Variants in ARHGAP36 observed in about 807,000 individuals in gnomAD.
The protein encoded by ARHGAP36 is rho GTPase-activating protein 36.
In ARHGAP36, 7 loss-of-function variants were observed where a neutral mutation model predicts 32.9. The observed-to-expected ratio is 0.21, with a 90% confidence interval of 0.12 to 0.40. The LOEUF is 0.40. Among genes scored for constraint, ARHGAP36 ranks in the 10% least tolerant of loss-of-function variants. The pLI is 1.00. For synonymous variants in ARHGAP36, 165 were observed against 168.3 expected (o/e 0.98, Z 0.15); for missense variants, 383 against 442.2 (o/e 0.87, Z 1.20).
chrX:131,067,369 G>A (rs771158647), intron 1 of ARHGAP36, among the ~76,000 whole-genome samples: 1 of 113,512 alleles, frequency 8.8e-6, no homozygotes, highest in Admixed American at 9.2e-5. Flanking sequence ...CGCGCCCTAG[G>A]CGCCCTACCT....
At chrX:131,065,041 TTGTG>T (rs35681413) in intron 1 of ARHGAP36, among the ~76,000 whole-genome samples, 8,356 of 102,964 alleles carry the variant, frequency 0.081, 478 homozygotes, top group African/African-American at 0.2. Context: ...GTGTGTGTGT[TTGTG>T]TGTGTGTGTG....
At chrX:131,081,954 C>G (rs1168876654) in intron 2 of ARHGAP36, 36 bp downstream of exon 2, 9 of 1,200,592 alleles carry the variant, frequency 7.5e-6, no homozygotes, top group Non-Finnish European at 7.9e-6. Context: ...TCCTCGCCTT[C>G]GGGAGAGTGG....
chrX:131,086,738 G>T (rs2079837685), intron 11 of ARHGAP36, 73 bp downstream of exon 11: 1 of 952,570 alleles, frequency 1.0e-6, no homozygotes. Context: ...CTTTTTGAAG[G>T]CCAGGTCGTT....
At position 131,081,504 on chromosome X, in the gene ARHGAP36, A is replaced by AT. The variant is rs1194567930; in HGVS notation, c.-142-10dup. ...TTAAGGGCTGAATTTTTGAAGTTGGATTTTTTTTTTCTTTTTTAGCAAAAA... is the reference window on the plus strand; with the variant it reads ...TTAAGGGCTGAATTTTTGAAGTTGGATTTTTTTTTTTCTTTTTTAGCAAAAA... On this transcript the variant is annotated intron_variant, in intron 1 of 11. Coordinates refer to ENST00000276211, the MANE Select transcript of ARHGAP36 (RefSeq NM_144967.4). 4.5e-3 allele frequency: 4,359 copies of AT among 959,276 alleles called. 10 individuals carry two copies. Among genetic ancestry groups the AT allele is most frequent in the Middle Eastern group, 0.021 (51 of 2,390 alleles). The allele number at this position is 959,276 out of a possible 1,213,427, so 79.1% of individuals were successfully genotyped here.
intron 1 of ARHGAP36, among the ~76,000 whole-genome samples, chrX:131,077,709 T>A (rs1225059249): frequency 1.0e-5 from 1 of 100,138 alleles, no homozygotes; most frequent in Admixed American, 1.1e-4. Flanking sequence ...TTTGTTCAAA[T>A]TCTCTCTCTT....
chrX:131,062,555 C>A (rs2079675347), intron 1 of ARHGAP36, among the ~76,000 whole-genome samples: 1 of 111,402 alleles, frequency 9.0e-6, no homozygotes. Flanking sequence ...GAATCCCAGG[C>A]CAGCTCTTAT....
intron 4 of ARHGAP36, 105 bp from the exon 5 acceptor site, chrX:131,084,110 C>CT: frequency 9.5e-7 from 1 of 1,050,491 alleles, no homozygotes; most frequent in Non-Finnish European, 1.3e-6. Context: ...TGGCTTGCCA[C>CT]AAAGGGAATG....
intron 1 of ARHGAP36, chrX:131,078,766 C>A (rs1180082137): frequency 3.1e-6 from 3 of 977,552 alleles, no homozygotes; most frequent in East Asian, 1.5e-4. Context: ...TAAGGCAATG[C>A]CAATTTTTCT....
At chrX:131,060,915 C>T (rs1312430438) in intron 1 of ARHGAP36, among the ~76,000 whole-genome samples, 1 of 112,184 alleles carries the variant, frequency 8.9e-6, no homozygotes, top group African/African-American at 3.2e-5. Context: ...AAATGCTGTA[C>T]AATGTGAAGG....
chrX:131,073,880 T>C (rs902406806), intron 1 of ARHGAP36, among the ~76,000 whole-genome samples: 1 of 111,303 alleles, frequency 9.0e-6, no homozygotes, highest in African/African-American at 3.3e-5. Context: ...ATATTGATAT[T>C]TTTAAAAATA....
chrX:131,086,678 C>T lies in ARHGAP36; in HGVS notation c.1486+13C>T, dbSNP rs1268990658. On this transcript the variant is annotated intron_variant, in intron 11 of 11. Coordinates refer to ENST00000276211, the MANE Select transcript of ARHGAP36 (RefSeq NM_144967.4). The stretch of plus-strand genomic sequence containing the variant: ...CCTTCTGATGAAGGTCAGTTCCCTG[C>T]TGGAGGTCAGGCCCTTGCTGAAGGT... The T allele has an allele frequency of 8.3e-7, 1 of 1,202,626 alleles. No homozygotes were observed.
chrX:131,083,791 C>G lies in ARHGAP36; in HGVS notation c.377C>G (p.Thr126Ser). The G allele has an allele frequency of 8.2e-7, 1 of 1,212,215 alleles. No individual in the cohort carries two copies. The highest frequency in any genetic ancestry group is 1.8e-5 in the South Asian group (1 of 57,017). The part of the protein sequence containing the change: ...SLEEVLVNEF[T>S]RRKHLELTAT... ...GAAGAGGTCCTGGTGAACGAGTTTA[C>G]CCGCCGCAAGCATCTTGAACTGACA... Residue 126 changes from threonine (T) to serine (S), a missense_variant, in exon 4 of 12, where the codon ACC (threonine) becomes AGC (serine). By Grantham distance (58) the Thr-to-Ser change is moderately conservative. Around this residue, in one of 2 missense-constraint regions of ARHGAP36, gnomAD observed 156 missense variants for 131.0 expected, o/e 1.19. Transcript: ENST00000276211.
intron 1 of ARHGAP36, among the ~76,000 whole-genome samples, chrX:131,075,522 T>C (rs1174165958): frequency 9.2e-6 from 1 of 109,014 alleles, no homozygotes; most frequent in Non-Finnish European, 1.9e-5. Context: ...TTCATAATAG[T>C]CTTTTTTTTC....
intron 1 of ARHGAP36, among the ~76,000 whole-genome samples, chrX:131,074,265 T>A (rs1241940554): frequency 8.9e-6 from 1 of 111,811 alleles, no homozygotes; most frequent in African/African-American, 3.3e-5. Flanking sequence ...ACCCTTCTTT[T>A]AATTAAGTCT....
At chrX:131,078,769 A>G (rs1416886377) in intron 1 of ARHGAP36, 2 of 976,534 alleles carry the variant, frequency 2.0e-6, no homozygotes, top group Admixed American at 6.0e-5. Flanking sequence ...GGCAATGCCA[A>G]TTTTTCTGTT....
chrX:131,065,692 C>T (rs755522081), intron 1 of ARHGAP36, among the ~76,000 whole-genome samples: 5 of 111,723 alleles, frequency 4.5e-5, no homozygotes, highest in Non-Finnish European at 7.5e-5. Context: ...AGGATACTTT[C>T]TGGCTACATA....
intron 1 of ARHGAP36, among the ~76,000 whole-genome samples, chrX:131,061,685 C>T (rs1233911743): frequency 9.0e-6 from 1 of 111,410 alleles, no homozygotes; most frequent in African/African-American, 3.3e-5. Flanking sequence ...CAATGAGACA[C>T]CCCATTCTCC....
chrX:131,084,475 G>T, intron 5 of ARHGAP36, 68 bp downstream of exon 5: 2 of 1,158,086 alleles, frequency 1.7e-6, no homozygotes. Flanking sequence ...TCTGGAAATG[G>T]GGGGAGAAAA....
intron 3 of ARHGAP36, 58 bp from the exon 4 acceptor site, chrX:131,083,676 C>T: frequency 8.8e-7 from 1 of 1,130,442 alleles, no homozygotes. Flanking sequence ...CTGCTTCCTC[C>T]TGATTTAAGC....
Sources: allele counts gnomAD v4.1 joint callset (sites outside exome capture counted in the v4.1 genomes callset), GRCh38; gene constraint gnomAD v4.1.1; regional missense constraint gnomAD v4.1.1; transcripts MANE v1.5; gene names NCBI Gene and HGNC (gene_info 2026-07-23, HGNC 2026-07-21).